The following DPP10 variants were observed in gnomAD, a reference collection of about 807,000 sequenced individuals.
DPP10 encodes dipeptidyl peptidase like 10.
In DPP10, 33 loss-of-function variants were observed where a neutral mutation model predicts 120.9. The ratio of observed to expected loss-of-function variants is 0.27; its 90% confidence interval spans 0.21 to 0.37. The LOEUF (loss-of-function observed/expected upper bound fraction) is 0.37. Among genes scored for constraint, DPP10 ranks in the 10% least tolerant of loss-of-function variants. The pLI is 1.00. For missense variants in DPP10, 816 were observed against 942.8 expected (o/e 0.87, Z 1.76); for synonymous variants, 337 against 326.1 (o/e 1.03, Z -0.36).
intron 3 of DPP10, among the ~76,000 whole-genome samples, chr2:115,418,558 C>T (rs2069641038): frequency 6.6e-6 from 1 of 152,050 alleles, no homozygotes; most frequent in Non-Finnish European, 1.5e-5. Flanking sequence ...ATTGCTTGAG[C>T]CCAGGAGCTC....
chr2:114,714,267 G>GT (rs1391998610), intron 1 of DPP10, among the ~76,000 whole-genome samples: 2 of 152,158 alleles, frequency 1.3e-5, no homozygotes, highest in African/African-American at 2.4e-5. Context: ...GGCAGCCAAA[G>GT]TTTTTTATAG....
At chr2:115,812,560 T>A (rs779291056) in intron 19 of DPP10, among the ~76,000 whole-genome samples, 39 of 152,174 alleles carry the variant, frequency 2.6e-4, no homozygotes, top group Non-Finnish European at 3.2e-4. Flanking sequence ...ATATGGGTAG[T>A]AATAAATTTC....
chr2:114,995,426 G>GAA (rs11449528), intron 1 of DPP10, among the ~76,000 whole-genome samples: 2,418 of 151,062 alleles, frequency 0.016, 19 homozygotes, highest in Middle Eastern at 0.048. Flanking sequence ...TCCTTTCTCA[G>GAA]AAAAAAAAAT....
intron 1 of DPP10, among the ~76,000 whole-genome samples, chr2:114,568,122 A>G (rs1282855142): frequency 6.6e-6 from 1 of 150,630 alleles, no homozygotes; most frequent in African/African-American, 2.4e-5. Context: ...AGCATAGGCC[A>G]TACTGCTTCA....
chr2:115,766,164 A>T (rs1426240449), intron 12 of DPP10, among the ~76,000 whole-genome samples: 1 of 151,742 alleles, frequency 6.6e-6, no homozygotes, highest in Non-Finnish European at 1.5e-5. Context: ...ATACATAAGT[A>T]TGTAAATATG....
rs1468933632 is a variant in DPP10, at chr2:115,560,594, G to A, written c.441+34622G>A. On this transcript the variant is annotated intron_variant, in intron 5 of 25. Coordinates refer to ENST00000410059, the MANE Select transcript of DPP10 (RefSeq NM_020868.6). Reference sequence around the variant, plus strand: ...CCCCGACCTCCCACCTAGGTAGTTTGGTAGTTTCTGCTGAGATCAGAAATT... The same window carrying A: ...CCCCGACCTCCCACCTAGGTAGTTTAGTAGTTTCTGCTGAGATCAGAAATT... 4.0e-5 allele frequency among the ~76,000 whole-genome samples: 6 copies of A among 149,126 alleles called. No homozygotes were observed. In the East Asian group the frequency reaches 8.1e-4, roughly 20 times the overall value.
At chr2:115,395,068 G>A (rs192730125) in intron 3 of DPP10, among the ~76,000 whole-genome samples, 2 of 152,324 alleles carry the variant, frequency 1.3e-5, no homozygotes, top group East Asian at 3.9e-4. Context: ...TGATTTGTTT[G>A]CTAGAGCTGC....
intron 1 of DPP10, among the ~76,000 whole-genome samples, chr2:114,448,642 C>T (rs1215419338): frequency 6.6e-6 from 1 of 152,128 alleles, no homozygotes; most frequent in Non-Finnish European, 1.5e-5. Context: ...TTTGGAACCA[C>T]TGAGCTAAAG....
chr2:115,555,188 A>G (rs1401094718), intron 5 of DPP10, among the ~76,000 whole-genome samples: 1 of 152,112 alleles, frequency 6.6e-6, no homozygotes, highest in Non-Finnish European at 1.5e-5. Flanking sequence ...TTCATCTTCT[A>G]GAATATATTA....
chr2:114,799,557 T>C (rs1684012724), intron 1 of DPP10, among the ~76,000 whole-genome samples: 1 of 152,122 alleles, frequency 6.6e-6, no homozygotes, highest in African/African-American at 2.4e-5. Flanking sequence ...TGGGAAAAAA[T>C]AGAGAAAAGA....
At chr2:114,974,933 T>A (rs772402521) in intron 1 of DPP10, among the ~76,000 whole-genome samples, 2 of 152,088 alleles carry the variant, frequency 1.3e-5, no homozygotes, top group Non-Finnish European at 2.9e-5. Context: ...AAATGGAATG[T>A]TTTGAGAGGC....
intron 5 of DPP10, among the ~76,000 whole-genome samples, chr2:115,641,278 A>G (rs1271599229): frequency 1.3e-5 from 2 of 152,152 alleles, no homozygotes; most frequent in East Asian, 3.9e-4. Context: ...TCCTTGCCAT[A>G]AGAGGAGAAT....
chr2:115,525,148 GT>G (rs2078051379), intron 4 of DPP10, among the ~76,000 whole-genome samples: 1 of 151,998 alleles, frequency 6.6e-6, no homozygotes, highest in South Asian at 2.1e-4. Context: ...TTTATTTTGT[GT>G]TTTTTTGTTT....
chr2:114,955,926 G>A (rs1158451571), intron 1 of DPP10, among the ~76,000 whole-genome samples: 4 of 151,982 alleles, frequency 2.6e-5, no homozygotes, highest in Admixed American at 6.6e-5. Flanking sequence ...AACAAATTAG[G>A]TATGAAAAGA....
chr2:115,066,315 G>C (rs1706833234), intron 1 of DPP10, among the ~76,000 whole-genome samples: 1 of 151,966 alleles, frequency 6.6e-6, no homozygotes, highest in Admixed American at 6.6e-5. Context: ...ACACATGCCT[G>C]CATGTGTAGG....
chr2:114,753,928 A>G (rs1324315319), intron 1 of DPP10, among the ~76,000 whole-genome samples: 143 of 150,552 alleles, frequency 9.5e-4, no homozygotes, highest in African/African-American at 3.2e-3. Flanking sequence ...AAAAAAAAAA[A>G]AAAAGAAAAG....
chr2:114,533,041 T>A (rs1282580406), intron 1 of DPP10, among the ~76,000 whole-genome samples: 1 of 152,182 alleles, frequency 6.6e-6, no homozygotes, highest in East Asian at 1.9e-4. Context: ...TATTAGCACA[T>A]TGACAAGACA....
At chr2:115,745,320 T>C (rs550215162) in intron 9 of DPP10, among the ~76,000 whole-genome samples, 25 of 150,696 alleles carry the variant, frequency 1.7e-4, no homozygotes, top group African/African-American at 6.0e-4. Context: ...ATTTAATAAT[T>C]TGTGCAATGC....
intron 1 of DPP10, among the ~76,000 whole-genome samples, chr2:114,977,769 G>A (rs1303579616): frequency 6.6e-6 from 1 of 151,676 alleles, no homozygotes; most frequent in African/African-American, 2.4e-5. Flanking sequence ...CTCCAAACTG[G>A]AGAAATATTA....
Sources: allele counts gnomAD v4.1 joint callset (sites outside exome capture counted in the v4.1 genomes callset), GRCh38; gene constraint gnomAD v4.1.1; transcripts MANE v1.5; gene names NCBI Gene and HGNC (gene_info 2026-07-23, HGNC 2026-07-21).